Variants in NEK7 observed in about 807,000 individuals in gnomAD.
NEK7 encodes the protein serine/threonine-protein kinase Nek7.
In NEK7, 18 loss-of-function variants were observed where a neutral mutation model predicts 44.6. The ratio of observed to expected loss-of-function variants is 0.40; its 90% CI spans 0.28 to 0.60. NEK7 has a LOEUF of 0.60. Ranked by LOEUF, NEK7 falls within the 20% of genes least tolerant of loss-of-function variation. The probability of loss-of-function intolerance (pLI) is 0.38; values close to 1 mark genes in which losing one functional copy is unlikely to be tolerated. For missense variants in NEK7, 256 were observed against 366.5 expected (o/e 0.70, Z 2.46); for synonymous variants, 130 against 121.1 (o/e 1.07, Z -0.48).
rs1475057973 is a variant in NEK7, at chr1:198,232,619, TC to T, written c.41del (p.Pro14LeufsTer18). 1 of 1,601,954 alleles carries T rather than the reference TC, an allele frequency of 6.2e-7. No homozygotes were observed. Reference sequence around the variant, plus strand: ...CACAAGGAATGCAAGGGCCACCTGTTCCTCAGTTCCAACCACAGGTAATTTA... The same window carrying T: ...CACAAGGAATGCAAGGGCCACCTGTTCTCAGTTCCAACCACAGGTAATTTA... ...QSQGMQGPPV[P>X]QFQPQKALRP... On this transcript the variant is annotated frameshift_variant, in exon 2 of 10. Coordinates refer to ENST00000367385, the MANE Select transcript of NEK7 (RefSeq NM_133494.3). LOFTEE classifies it high-confidence loss of function.
At chr1:198,313,418 T>C (rs1655252308) in intron 9 of NEK7, among the ~76,000 whole-genome samples, 1 of 147,540 alleles carries the variant, frequency 6.8e-6, no homozygotes, top group East Asian at 2.0e-4. Flanking sequence ...GTCTTTTAAT[T>C]GGAGCATTTA....
intron 1 of NEK7, among the ~76,000 whole-genome samples, chr1:198,217,395 C>T (rs970815455): frequency 5.1e-5 from 7 of 136,176 alleles, no homozygotes; most frequent in Non-Finnish European, 9.1e-5. Flanking sequence ...CCAGCATCTC[C>T]TTATGATAAA....
intron 8 of NEK7, among the ~76,000 whole-genome samples, chr1:198,294,974 AT>A: frequency 6.6e-6 from 1 of 152,146 alleles, no homozygotes; most frequent in South Asian, 2.1e-4. Flanking sequence ...AACATCACGT[AT>A]TTTGTATTGT....
intron 3 of NEK7, among the ~76,000 whole-genome samples, chr1:198,258,162 G>A (rs1019026680): frequency 1.2e-4 from 19 of 152,120 alleles, no homozygotes; most frequent in Non-Finnish European, 2.4e-4. Context: ...CTGTAGAGCC[G>A]GGCACGGTGA....
chr1:198,313,927 C>T (rs934646953), intron 9 of NEK7, among the ~76,000 whole-genome samples: 4 of 151,912 alleles, frequency 2.6e-5, no homozygotes, highest in South Asian at 2.1e-4. Flanking sequence ...TTGCTCTTCT[C>T]GAGGAGTATC....
chr1:198,204,600 T>G (rs766237998), intron 1 of NEK7, among the ~76,000 whole-genome samples: 5 of 149,884 alleles, frequency 3.3e-5, no homozygotes, highest in Middle Eastern at 3.6e-3. Flanking sequence ...GCGCCTGTAG[T>G]CCCAGCTACT....
intron 7 of NEK7, 91 bp from the exon 8 acceptor site, chr1:198,292,854 T>C: frequency 1.3e-6 from 1 of 774,352 alleles, no homozygotes; most frequent in Non-Finnish European, 2.2e-6. Context: ...TGGTGATGTT[T>C]TTAAATTCAA....
chr1:198,226,130 T>G (rs1666216205), intron 1 of NEK7, among the ~76,000 whole-genome samples: 1 of 151,968 alleles, frequency 6.6e-6, no homozygotes, highest in Non-Finnish European at 1.5e-5. Flanking sequence ...TAAAATATAT[T>G]TTTGTTTCAT....
intron 7 of NEK7, among the ~76,000 whole-genome samples, chr1:198,292,411 CTG>C (rs1465822607): frequency 2.0e-5 from 3 of 151,892 alleles, no homozygotes; most frequent in African/African-American, 7.2e-5. Flanking sequence ...GTACAAAAGT[CTG>C]TGGTATTCTT....
chr1:198,248,995 A>T (rs977757357), intron 2 of NEK7, among the ~76,000 whole-genome samples: 3 of 150,460 alleles, frequency 2.0e-5, no homozygotes, highest in Admixed American at 6.6e-5. Context: ...ACCCATTAAC[A>T]CGTCATTTAG....
chr1:198,312,474 G>T (rs999867193), intron 9 of NEK7, among the ~76,000 whole-genome samples: 1 of 151,810 alleles, frequency 6.6e-6, no homozygotes, highest in Admixed American at 6.6e-5. Flanking sequence ...TTCTTGCCTT[G>T]TGCTAGCTTT....
chr1:198,181,583 T>C (rs561009369), intron 1 of NEK7, among the ~76,000 whole-genome samples: 1 of 152,270 alleles, frequency 6.6e-6, no homozygotes, highest in Non-Finnish European at 1.5e-5. Flanking sequence ...GGGTTAAGAC[T>C]TTTATCCTCT....
chr1:198,277,443 T>C (rs573437795), intron 5 of NEK7, among the ~76,000 whole-genome samples: 158 of 151,958 alleles, frequency 1.0e-3, no homozygotes, highest in Non-Finnish European at 2.0e-3. Context: ...TTGACTTGCA[T>C]TGTGCAGTAG....
At chr1:198,200,312 T>C (rs537439772) in intron 1 of NEK7, among the ~76,000 whole-genome samples, 1 of 152,294 alleles carries the variant, frequency 6.6e-6, no homozygotes, top group South Asian at 2.1e-4. Context: ...CTCCTCCTTA[T>C]TTTGGTTTCT....
chr1:198,241,948 TC>T (rs1244064458), intron 2 of NEK7, among the ~76,000 whole-genome samples: 1 of 152,170 alleles, frequency 6.6e-6, no homozygotes, highest in East Asian at 1.9e-4. Flanking sequence ...CCATATCGTA[TC>T]TTTTATTACA....
At chr1:198,230,778 C>T (rs1208195975) in intron 1 of NEK7, among the ~76,000 whole-genome samples, 1 of 151,820 alleles carries the variant, frequency 6.6e-6, no homozygotes, top group Admixed American at 6.6e-5. Context: ...TTCCTATATA[C>T]TAACAATCAG....
chr1:198,320,071 A>C lies in NEK7; in HGVS notation c.*549A>C, dbSNP rs1277409368. 6.6e-6 allele frequency: 1 copy of C among 152,202 alleles called. No individual in the cohort carries two copies. Among genetic ancestry groups the C allele is most frequent in the Admixed American group, 6.5e-5 (1 of 15,274 alleles). 9.4% of individuals were successfully genotyped at this position (152,202 alleles called of 1,614,324 possible). Reference sequence around the variant, plus strand: ...TGTAGACACAAACTATTTGAGAAACATTTAGAACTCTTAGCTTATACATTC... The same window carrying C: ...TGTAGACACAAACTATTTGAGAAACCTTTAGAACTCTTAGCTTATACATTC... On this transcript the variant is annotated 3_prime_UTR_variant, in exon 10 of 10. Transcript: ENST00000367385.
intron 8 of NEK7, among the ~76,000 whole-genome samples, chr1:198,295,101 A>AT (rs1654673005): frequency 6.6e-6 from 1 of 152,122 alleles, no homozygotes; most frequent in Admixed American, 6.5e-5. Flanking sequence ...AAAAAAAAAA[A>AT]ACTAGCAGTA....
At position 198,253,274 on chromosome 1, in the gene NEK7, C is replaced by T. The variant is rs1276562789; in HGVS notation, c.198+94C>T. On this transcript the variant is annotated intron_variant, in intron 3 of 9. Coordinates refer to ENST00000367385, the MANE Select transcript of NEK7 (RefSeq NM_133494.3). ...ATCCTGAATGATTGGGTACTGATAG[C>T]CTTAAGTTGAGAATGCTGGGAAAGA... The T allele has an allele frequency of 6.4e-6, 5 of 779,678 alleles. No individual in the cohort carries two copies. In the East Asian group the frequency reaches 1.4e-4, roughly 22 times the overall value. The allele number at this position is 779,678 out of a possible 1,614,324, so 48.3% of individuals were successfully genotyped here.
Sources: allele counts gnomAD v4.1 joint callset (sites outside exome capture counted in the v4.1 genomes callset), GRCh38; gene constraint gnomAD v4.1.1; transcripts MANE v1.5; gene names NCBI Gene and HGNC (gene_info 2026-07-23, HGNC 2026-07-21).